CCDC170: variants seen among roughly 807,000 people sequenced by gnomAD.
CCDC170 encodes coiled-coil domain-containing protein 170.
CCDC170 carries 69 observed loss-of-function variants against 72.6 expected under a neutral mutation model. The ratio of observed to expected loss-of-function variants is 0.95; its 90% CI spans 0.78 to 1.16. The LOEUF is 1.16. Ranked by LOEUF, CCDC170 falls within the 50% of genes most tolerant of loss-of-function variation. CCDC170 has a pLI of 0.00. For missense variants in CCDC170, 852 were observed against 832.5 expected, an observed-to-expected ratio of 1.02 and a Z score of -0.29; for synonymous variants, 300 against 303.9, an observed-to-expected ratio of 0.99 and a Z score of 0.13.
rs1237437761 is a variant in CCDC170, at chr6:151,538,418, T to C, written c.443+117T>C. On this transcript the variant is annotated intron_variant, in intron 3 of 10. Coordinates refer to ENST00000239374, the MANE Select transcript of CCDC170 (RefSeq NM_025059.4). ...GCATTACTTGGCCCTTAAACTCAAT[T>C]TGAAAAAAAGTTATTGACCTCAAAT... The C allele has an allele frequency of 2.8e-6, 3 of 1,084,394 alleles. No homozygotes were observed. In the East Asian group the frequency reaches 7.2e-5, roughly 26 times the overall value. 67.2% of individuals were successfully genotyped at this position (1,084,394 alleles called of 1,614,324 possible).
chr6:151,573,128 T>C, intron 5 of CCDC170, 46 bp from the exon 6 acceptor site: 1 of 1,538,890 alleles, frequency 6.5e-7, no homozygotes, highest in Non-Finnish European at 8.8e-7. Flanking sequence ...AGGTGTACCC[T>C]GTTGACTTCT....
chr6:151,540,373 CTTTTTTTTTTTTT>C (rs779650559), intron 3 of CCDC170, among the ~76,000 whole-genome samples: 61 of 37,954 alleles, frequency 1.6e-3, no homozygotes, highest in African/African-American at 2.9e-3. Context: ...TCTGCTGCTG[CTTTTTTTTTTTTT>C]TTTTTTTTTT....
Position 151,563,982 on chromosome 6 carries a change from A to T in CCDC170, c.775-9192A>T, listed in dbSNP as rs141491570. Among the ~76,000 whole-genome samples the T allele has an allele frequency of 1.2e-3, 176 of 152,138 alleles. 1 individual carries two copies. The highest frequency in any genetic ancestry group is 3.9e-3 in the African/African-American group (160 of 41,510). On this transcript the variant is annotated intron_variant, in intron 5 of 10. Coordinates refer to ENST00000239374, the MANE Select transcript of CCDC170 (RefSeq NM_025059.4). ...TTTTGTCCATTCACTAGTAACTTTG[A>T]TCTTCTTTCTGAGGAGAACTGGCTT...
chr6:151,501,819 C>T (rs1562820841), intron 1 of CCDC170, among the ~76,000 whole-genome samples: 1 of 152,134 alleles, frequency 6.6e-6, no homozygotes, highest in Admixed American at 6.5e-5. Flanking sequence ...TAAAGACTTA[C>T]TTTTTTCCAT....
At chr6:151,602,861 C>G (rs1396986577) in intron 9 of CCDC170, among the ~76,000 whole-genome samples, 3 of 150,678 alleles carry the variant, frequency 2.0e-5, no homozygotes, top group African/African-American at 7.4e-5. Context: ...AGTGCAATGG[C>G]ACAATCTCGG....
rs869185539 is a variant in CCDC170 at position 151,575,525 on chromosome 6, C to CTTTTTTTTTTTTTTTTTTTTTTT, written c.1092+2056_1092+2057insTTTTTTTTTTTTTTTTTTTTTTT. Reference sequence around the variant, plus strand: ...AAGCACATTTTCTTTTCTTTTCTTTCTTTTTTTTTTTTTTTTTTTTTTGAG... The same window carrying CTTTTTTTTTTTTTTTTTTTTTTT: ...AAGCACATTTTCTTTTCTTTTCTTTCTTTTTTTTTTTTTTTTTTTTTTTTTTTTTTTTTTTTTTTTTTTTTGAG... On this transcript the variant is annotated intron_variant, in intron 6 of 10. Coordinates refer to ENST00000239374, the MANE Select transcript of CCDC170 (RefSeq NM_025059.4). 6.3e-5 allele frequency among the ~76,000 whole-genome samples: 5 copies of CTTTTTTTTTTTTTTTTTTTTTTT among 79,664 alleles called. 1 individual carries two copies. The highest frequency in any genetic ancestry group is 1.6e-4 in the African/African-American group (3 of 19,242). The allele number at this position is 79,664 out of a possible 152,430, so 52.3% of individuals were successfully genotyped here.
chr6:151,498,453 G>A (rs1306711967), intron 1 of CCDC170, among the ~76,000 whole-genome samples: 1 of 152,168 alleles, frequency 6.6e-6, no homozygotes, highest in Non-Finnish European at 1.5e-5. Flanking sequence ...GTACAGTTTA[G>A]TGGCATTAAG....
At chr6:151,500,478 GTTAACTAAGAAAAGCCA>G (rs1172563845) in intron 1 of CCDC170, among the ~76,000 whole-genome samples, 1 of 151,728 alleles carries the variant, frequency 6.6e-6, no homozygotes, top group African/African-American at 2.4e-5. Context: ...AAAATGCTTA[GTTAACTAAGAAAAGCCA>G]TATTGCATTA....
chr6:151,534,181 C>T (rs1429639117), intron 1 of CCDC170, among the ~76,000 whole-genome samples: 26 of 151,640 alleles, frequency 1.7e-4, no homozygotes, highest in African/African-American at 5.8e-4. Flanking sequence ...CCTCCCACCT[C>T]AGCCTCCCAA....
intron 1 of CCDC170, 179 bp from the exon 2 acceptor site, chr6:151,536,139 C>G (rs986945083): frequency 1.6e-6 from 1 of 634,618 alleles, no homozygotes; most frequent in African/African-American, 1.8e-5. Context: ...CTCCTGCTTC[C>G]CTTTGAACTT....
At chr6:151,524,974 C>A (rs367564713) in intron 1 of CCDC170, among the ~76,000 whole-genome samples, 9 of 135,378 alleles carry the variant, frequency 6.6e-5, no homozygotes, top group Non-Finnish European at 1.2e-4. Flanking sequence ...ACTCTATTGC[C>A]CAGGCTGGAG....
At chr6:151,511,283 G>C (rs538797880) in intron 1 of CCDC170, among the ~76,000 whole-genome samples, 1 of 152,206 alleles carries the variant, frequency 6.6e-6, no homozygotes, top group South Asian at 2.1e-4. Flanking sequence ...TGTTCTAGGG[G>C]GCTATTGTTT....
At chr6:151,592,086 G>A (rs1400477583) in intron 7 of CCDC170, among the ~76,000 whole-genome samples, 4 of 152,052 alleles carry the variant, frequency 2.6e-5, no homozygotes, top group African/African-American at 7.2e-5. Context: ...GGCTGGGCAC[G>A]GTGGCTCATG....
At chr6:151,542,855 C>T (rs1782712190) in intron 3 of CCDC170, among the ~76,000 whole-genome samples, 1 of 152,108 alleles carries the variant, frequency 6.6e-6, no homozygotes, top group South Asian at 2.1e-4. Context: ...ATTAATTATG[C>T]CTTTCCTGGG....
At chr6:151,568,307 T>C (rs144746744) in intron 5 of CCDC170, among the ~76,000 whole-genome samples, 2 of 152,174 alleles carry the variant, frequency 1.3e-5, no homozygotes, top group Admixed American at 6.5e-5. Flanking sequence ...TGTATTAAAG[T>C]TTGAATCACA....
intron 1 of CCDC170, among the ~76,000 whole-genome samples, chr6:151,518,482 A>G (rs372648248): frequency 6.6e-6 from 1 of 152,318 alleles, no homozygotes; most frequent in African/African-American, 2.4e-5. Context: ...TGTTCAAGAA[A>G]GAATTTGGGT....
chr6:151,615,810 T>G, intron 10 of CCDC170, 131 bp downstream of exon 10: 1 of 716,046 alleles, frequency 1.4e-6, no homozygotes, highest in Admixed American at 2.5e-5. Flanking sequence ...TATGTCATCG[T>G]TTTACGAGGG....
intron 5 of CCDC170, 88 bp from the exon 6 acceptor site, chr6:151,573,086 G>T: frequency 8.1e-7 from 1 of 1,235,762 alleles, no homozygotes; most frequent in South Asian, 1.5e-5. Context: ...GTCATTAGCA[G>T]GCAAAGTCAA....
intron 1 of CCDC170, among the ~76,000 whole-genome samples, chr6:151,529,191 T>C (rs1268244002): frequency 1.3e-5 from 2 of 152,232 alleles, no homozygotes; most frequent in African/African-American, 4.8e-5. Flanking sequence ...GAATTTATAT[T>C]ATCTTATTTT....
Sources: gnomAD v4.1 joint callset for allele counts (sites outside exome capture counted in the v4.1 genomes callset) on GRCh38, gnomAD v4.1.1 for gene constraint, MANE v1.5 for transcripts, NCBI Gene and HGNC (gene_info 2026-07-23, HGNC 2026-07-21) for gene names.